PER1: variants seen among roughly 807,000 people sequenced by gnomAD.
The protein encoded by PER1 is period circadian protein homolog 1.
A neutral mutation model predicts 125.9 loss-of-function variants in PER1; 87 were observed. That is an observed-to-expected ratio of 0.69 (90% CI 0.58 to 0.83). PER1 has a LOEUF of 0.83. Among genes scored for constraint, PER1 ranks in the 40% least tolerant of loss-of-function variants. The pLI is 0.00. For synonymous variants in PER1, 801 were observed against 714.7 expected, an observed-to-expected ratio of 1.12 and a Z score of -1.93; for missense variants, 1,775 against 1,722.8, an observed-to-expected ratio of 1.03 and a Z score of -0.54.
At chr17:8,145,876 G>C (rs888968480) in intron 17 of PER1, 82 bp downstream of exon 17, 1 of 1,462,372 alleles carries the variant, frequency 6.8e-7, no homozygotes, top group Non-Finnish European at 9.2e-7. Flanking sequence ...TCAGGCCCTA[G>C]AGGGGAGGGG....
chr17:8,145,052 T>TAC, intron 17 of PER1, 59 bp from the exon 18 acceptor site: 1 of 1,388,498 alleles, frequency 7.2e-7, no homozygotes, highest in Non-Finnish European at 9.4e-7. Flanking sequence ...AACACATCCA[T>TAC]ACCACACCCT....
chr17:8,147,933 C>A (rs1982562778), intron 10 of PER1, 64 bp downstream of exon 10: 2 of 1,583,200 alleles, frequency 1.3e-6, no homozygotes, highest in Non-Finnish European at 1.7e-6. Flanking sequence ...GAGACACAAC[C>A]ACAAGGGCAG....
chr17:8,144,640 C>A, intron 18 of PER1, 111 bp downstream of exon 18: 3 of 1,423,396 alleles, frequency 2.1e-6, no homozygotes, highest in Non-Finnish European at 2.9e-6. Context: ...GTGGTGGAAG[C>A]AACACCAGCC....
At position 8,142,847 on chromosome 17, in the gene PER1, GA is replaced by G. The variant is rs1422275491; in HGVS notation, c.3073-13del. The stretch of plus-strand genomic sequence containing the variant: ...TCAGTGACCTCCGCCTGGAGGAGGG[GA>G]GGGGGGCAAGGAGGGATGGAGGGGT... On this transcript the variant is annotated splice_polypyrimidine_tract_variant and intron_variant, in intron 19 of 22. Transcript: ENST00000317276. 6.3e-7 allele frequency: 1 copy of G among 1,580,178 alleles called. No individual in the cohort carries two copies. Among genetic ancestry groups the G allele is most frequent in the Non-Finnish European group, 8.6e-7 (1 of 1,166,120 alleles).
rs370901282 is a variant in PER1 at position 8,143,313 on chromosome 17, C to T, written c.3025G>A (p.Gly1009Arg). The change falls in exon 19 of 23, where the codon GGG (glycine) becomes AGG (arginine). Residue 1009 changes from glycine to arginine, a missense_variant. Coordinates refer to ENST00000317276, the MANE Select transcript of PER1 (RefSeq NM_002616.3). ...GCCTCCGCACTGGGAGGTGGGGGCC[C>T]GGCACTGCTCCCAGGGCCTCCTGCA... is the stretch of plus-strand genomic sequence containing the variant. ...AVAGGPGSSA[G>R]PPPPSAEAAE... is the part of the protein sequence containing the mutation. 1.3e-4 allele frequency: 212 copies of T among 1,593,656 alleles called. 1 individual carries two copies. Among genetic ancestry groups the T allele is most frequent in the South Asian group, 7.5e-4 (66 of 87,980 alleles).
intron 3 of PER1, 32 bp downstream of exon 3, chr17:8,150,187 C>T: frequency 6.3e-7 from 1 of 1,599,706 alleles, no homozygotes; most frequent in Non-Finnish European, 8.6e-7. Flanking sequence ...GCCTGGGCCC[C>T]CAGACCTCTC....
rs568023543 is a variant in PER1, at chr17:8,147,057, G to A, written c.1630-55C>T. ...ACCAGGGGGTGTCGCCAGTGTCAGG[G>A]GCCAAGGGCACAATAAAACAAGAAG... On this transcript the variant is annotated intron_variant, in intron 13 of 22. Transcript: ENST00000317276. The A allele has an allele frequency of 1.3e-5, 19 of 1,491,180 alleles. No homozygotes were observed. In the South Asian group the frequency reaches 1.9e-4, roughly 15 times the overall value. The allele number at this position is 1,491,180 out of a possible 1,614,324, so 92.4% of individuals were successfully genotyped here. A position where few individuals can be genotyped will look rare whatever the true frequency, so the allele number is the denominator to read the frequency against.
rs1215287872 is a variant in PER1, at chr17:8,143,499, G to C, written c.2839C>G (p.Pro947Ala). ...GALQTPAEGPPTPASHSPSPS... is the reference protein window; with the variant it reads ...GALQTPAEGPATPASHSPSPS... ...GAAGGGGAGTGCGAGGCAGGAGTGG[G>C]AGGCCCTTCAGCAGGGGTCTGGAGT... The change falls in exon 19 of 23, where the codon CCC (proline) becomes GCC (alanine). Residue 947 changes from proline (P) to alanine (A), a missense_variant. By Grantham distance (27) the Pro-to-Ala change is conservative. Coordinates refer to ENST00000317276, the MANE Select transcript of PER1 (RefSeq NM_002616.3). 1 of 1,579,694 alleles carries C rather than the reference G, an allele frequency of 6.3e-7. No individual in the cohort carries two copies. Among genetic ancestry groups the C allele is most frequent in the South Asian group, 1.2e-5 (1 of 85,162 alleles).
rs1045188656 is a variant in PER1, at chr17:8,140,924, T to C, written c.*144A>G. The C allele has an allele frequency of 5.5e-6, 5 of 914,204 alleles. No individual in the cohort carries two copies. In the African/African-American group the frequency reaches 8.3e-5, roughly 15 times the overall value. 56.6% of individuals were successfully genotyped at this position (914,204 alleles called of 1,614,324 possible). A position where few individuals can be genotyped will look rare whatever the true frequency, so the allele number is the denominator to read the frequency against. On this transcript the variant is annotated 3_prime_UTR_variant, in exon 23 of 23. Coordinates refer to ENST00000317276, the MANE Select transcript of PER1 (RefSeq NM_002616.3). The stretch of plus-strand genomic sequence containing the variant: ...CAGAGGCAGCCCCTGGATCCTAGGC[T>C]GGTGATGGGGGTCCGGCCCCCTATG...
chr17:8,140,956 G>T lies in PER1; in HGVS notation c.*112C>A, dbSNP rs1260897620. The stretch of plus-strand genomic sequence containing the variant: ...GGGGGTCCGGCCCCCTATGGTGGGA[G>T]AAGCTGGGGCAGTTTCCCACTGGTT... On this transcript the variant is annotated 3_prime_UTR_variant, in exon 23 of 23. Coordinates refer to ENST00000317276, the MANE Select transcript of PER1 (RefSeq NM_002616.3). 1 of 1,246,322 alleles carries T rather than the reference G, an allele frequency of 8.0e-7. No homozygotes were observed. The highest frequency in any genetic ancestry group is 1.1e-6 in the Non-Finnish European group (1 of 887,586). 77.2% of individuals were successfully genotyped at this position (1,246,322 alleles called of 1,614,324 possible).
At position 8,143,895 on chromosome 17, in the gene PER1, G is replaced by A. The variant is rs750403988; in HGVS notation, c.2462-19C>T. The A allele has an allele frequency of 7.5e-6, 12 of 1,593,464 alleles. No homozygotes were observed. In the Admixed American group the frequency reaches 1.7e-4, roughly 23 times the overall value. On this transcript the variant is annotated intron_variant, in intron 18 of 22. Coordinates refer to ENST00000317276, the MANE Select transcript of PER1 (RefSeq NM_002616.3). Reference sequence around the variant, plus strand: ...TGGCAGCCTGTGGGGAGAGACTAGGGTTAGCAAGGACCTCAACCTGGGGTT... The same window carrying A: ...TGGCAGCCTGTGGGGAGAGACTAGGATTAGCAAGGACCTCAACCTGGGGTT...
chr17:8,147,743 CTGG>C lies in PER1; in HGVS notation c.1316_1318del (p.Thr439del). 1 of 1,614,130 alleles carries C rather than the reference CTGG, an allele frequency of 6.2e-7. No homozygotes were observed. On this transcript the variant is annotated inframe_deletion, in exon 11 of 23. Transcript: ENST00000317276. ...CCAGGGGTGCACAAAGCCAGCCCAG[CTGG>C]TGTCCATGGTGACATACTCCCCGTT... is the stretch of plus-strand genomic sequence containing the variant.
rs145256648 is a variant in PER1 at position 8,149,748 on chromosome 17, C to T, written c.651+7G>A. 6.9e-5 allele frequency: 111 copies of T among 1,612,668 alleles called. No homozygotes were observed. The highest frequency in any genetic ancestry group is 5.3e-4 in the Admixed American group (32 of 60,020). On this transcript the variant is annotated splice_region_variant and intron_variant, in intron 5 of 22. Coordinates refer to ENST00000317276, the MANE Select transcript of PER1 (RefSeq NM_002616.3). Reference sequence around the variant, plus strand: ...CGTCGGGATGCAGAGGCCAGGCCGCCGCTGACCTGGTTCTGAAGTGTGTAC... The same window carrying T: ...CGTCGGGATGCAGAGGCCAGGCCGCTGCTGACCTGGTTCTGAAGTGTGTAC...
At chr17:8,142,545 T>C (rs3027195) in intron 20 of PER1, 87 bp from the exon 21 acceptor site, 1 of 1,542,746 alleles carries the variant, frequency 6.5e-7, no homozygotes, top group South Asian at 1.2e-5. Context: ...AAAGGCCACA[T>C]GTCCATCCCA....
At chr17:8,142,479 C>G in intron 20 of PER1, 21 bp from the exon 21 acceptor site, 1 of 1,559,222 alleles carries the variant, frequency 6.4e-7, no homozygotes, top group Non-Finnish European at 8.7e-7. Flanking sequence ...GGGGGCAGAC[C>G]AATGGGAGTC....
chr17:8,150,421 T>A lies in PER1; in HGVS notation c.275+11A>T. The A allele has an allele frequency of 6.2e-7, 1 of 1,604,920 alleles. No individual in the cohort carries two copies. The highest frequency in any genetic ancestry group is 1.1e-5 in the South Asian group (1 of 90,022). Reference sequence around the variant, plus strand: ...ACCATTCCTAGACCCAACATACACATCCATACACACCTCTTGCTGCTCTCA... The same window carrying A: ...ACCATTCCTAGACCCAACATACACAACCATACACACCTCTTGCTGCTCTCA... On this transcript the variant is annotated intron_variant, in intron 2 of 22. Coordinates refer to ENST00000317276, the MANE Select transcript of PER1 (RefSeq NM_002616.3).
intron 18 of PER1, chr17:8,144,184 C>T (rs921438607): frequency 3.4e-5 from 15 of 437,440 alleles, no homozygotes; most frequent in Non-Finnish European, 5.3e-5. Flanking sequence ...TCCATGGACA[C>T]ATGGACAGAT....
At position 8,146,510 on chromosome 17, in the gene PER1, TG is replaced by T. The variant is rs757315946; in HGVS notation, c.1908-9del. ...TTGCAGCTCTCCAGGTACCTGGGGA[TG>T]GACACAGCACAGGGCATCAGAGCAG... On this transcript the variant is annotated splice_polypyrimidine_tract_variant and intron_variant, in intron 15 of 22. Coordinates refer to ENST00000317276, the MANE Select transcript of PER1 (RefSeq NM_002616.3). 3 of 1,610,902 alleles carry T rather than the reference TG, an allele frequency of 1.9e-6. No homozygotes were observed. In the South Asian group the frequency reaches 3.3e-5, roughly 18 times the overall value.
intron 7 of PER1, 29 bp from the exon 8 acceptor site, chr17:8,148,815 C>G: frequency 1.2e-6 from 2 of 1,609,612 alleles, no homozygotes; most frequent in Non-Finnish European, 1.7e-6. Flanking sequence ...GCATTAGGGA[C>G]TTTCAACAGA....
Sources: allele counts gnomAD v4.1 joint callset, GRCh38; gene constraint gnomAD v4.1.1; transcripts MANE v1.5; gene names NCBI Gene and HGNC (gene_info 2026-07-23, HGNC 2026-07-21).